EXD3: variants seen among roughly 807,000 people sequenced by gnomAD.
EXD3 encodes exonuclease 3'-5' domain containing 3, also known as exonuclease mut-7 homolog.
In EXD3, 92 loss-of-function variants were observed where a neutral mutation model predicts 98.0. The observed-to-expected ratio is 0.94, with a 90% CI of 0.79 to 1.12. EXD3 has a LOEUF of 1.12. EXD3 is among the 50% of genes most tolerant of loss of function. EXD3 has a pLI of 0.00. For synonymous variants in EXD3, 569 were observed against 526.0 expected (o/e 1.08, Z -1.12); for missense variants, 1,222 against 1,191.6 (o/e 1.03, Z -0.38).
chr9:137,323,986 G>A, intron 18 of EXD3, 104 bp downstream of exon 18: 1 of 1,529,572 alleles, frequency 6.5e-7, no homozygotes, highest in Non-Finnish European at 8.8e-7. Flanking sequence ...AGGCGCTGGG[G>A]GTCGGCCCCA....
rs567366303 is a variant in EXD3 at position 137,310,589 on chromosome 9, A to G, written c.2185-889T>C. Among the ~76,000 whole-genome samples the G allele has an allele frequency of 2.5e-4, 38 of 152,258 alleles. 1 individual carries two copies. In the South Asian group the frequency reaches 7.7e-3, roughly 31 times the overall value. On this transcript the variant is annotated intron_variant, in intron 19 of 21. Transcript: ENST00000340951. The stretch of plus-strand genomic sequence containing the variant: ...TTACTGCGATGCTGGGGGTGGGGGC[A>G]GGGAGGCCGGGAGGCTAGGACCAGC...
At chr9:137,375,003 T>A in intron 3 of EXD3, 2 of 330,172 alleles carry the variant, frequency 6.1e-6, no homozygotes, top group Non-Finnish European at 8.6e-6. Context: ...TTGTGAGTTC[T>A]AACCCTAGTT....
intron 7 of EXD3, among the ~76,000 whole-genome samples, chr9:137,358,561 C>T (rs974463999): frequency 7.2e-5 from 11 of 152,300 alleles, no homozygotes; most frequent in Admixed American, 1.3e-4. Context: ...ATCTGTCTTC[C>T]GGGTTCCAGC....
chr9:137,340,878 G>A, intron 17 of EXD3, among the ~76,000 whole-genome samples: 1 of 152,178 alleles, frequency 6.6e-6, no homozygotes, highest in East Asian at 1.9e-4. Flanking sequence ...GCAGTTCCAA[G>A]CAACACTGAA....
At chr9:137,355,563 G>T (rs1834654888) in intron 8 of EXD3, among the ~76,000 whole-genome samples, 4 of 4,064 alleles carry the variant, frequency 9.8e-4, no homozygotes, top group Admixed American at 2.6e-3. Flanking sequence ...GAAGGAGGAA[G>T]GGAGGATGGA....
chr9:137,419,965 C>A (rs780443726), intron 1 of EXD3, among the ~76,000 whole-genome samples: 30 of 152,098 alleles, frequency 2.0e-4, no homozygotes, highest in Non-Finnish European at 4.1e-4. Flanking sequence ...CGAGACCATC[C>A]TGGCTAATAC....
At chr9:137,345,198 C>T (rs2119197412) in intron 17 of EXD3, among the ~76,000 whole-genome samples, 1 of 152,406 alleles carries the variant, frequency 6.6e-6, no homozygotes, top group South Asian at 2.1e-4. Context: ...CTCCTCACAT[C>T]CTCTGGGCTC....
chr9:137,404,448 T>C (rs1365251087), intron 1 of EXD3, among the ~76,000 whole-genome samples: 1 of 152,266 alleles, frequency 6.6e-6, no homozygotes, highest in Non-Finnish European at 1.5e-5. Flanking sequence ...CTCCTCACTC[T>C]ACCACTCTCC....
Position 137,382,020 on chromosome 9 carries a change from G to GGGAGGAGGTGAGGGCGCGC in EXD3, c.120+1292_120+1293insGCGCGCCCTCACCTCCTCC, listed in dbSNP as rs753184238. On this transcript the variant is annotated intron_variant, in intron 3 of 21. Coordinates refer to ENST00000340951, the MANE Select transcript of EXD3 (RefSeq NM_017820.5). ...GACGCGGGGAGGAGGTGAGGACGCG[G>GGGAGGAGGTGAGGGCGCGC]GGAGGAGGTGAGGGCGCGGGGAGGA... Among the ~76,000 whole-genome samples the GGGAGGAGGTGAGGGCGCGC allele has an allele frequency of 1.3e-4, 17 of 128,618 alleles. 1 individual carries two copies. The highest frequency in any genetic ancestry group is 5.5e-4 in the African/African-American group (17 of 30,780). The allele number at this position is 128,618 out of a possible 152,430, so 84.4% of individuals were successfully genotyped here.
At chr9:137,326,905 T>C (rs2119114006) in intron 17 of EXD3, among the ~76,000 whole-genome samples, 1 of 151,958 alleles carries the variant, frequency 6.6e-6, no homozygotes, top group African/African-American at 2.4e-5. Context: ...ACATCAGTGT[T>C]CGTAGCAGCC....
chr9:137,372,851 C>G, intron 5 of EXD3, 54 bp downstream of exon 5: 1 of 1,572,884 alleles, frequency 6.4e-7, no homozygotes, highest in Non-Finnish European at 8.6e-7. Context: ...CGCGTCCTTG[C>G]CCCACCGCCC....
chr9:137,373,066 G>T lies in EXD3; in HGVS notation c.301C>A (p.Leu101Met). 6.4e-7 allele frequency: 1 copy of T among 1,574,742 alleles called. No individual in the cohort carries two copies. The highest frequency in any genetic ancestry group is 8.6e-7 in the Non-Finnish European group (1 of 1,163,554). The change falls in exon 5 of 22, where the codon CTG (leucine) becomes ATG (methionine). Residue 101 changes from leucine to methionine, a missense_variant. Transcript: ENST00000340951. ...QPCPSLAQHS[L>M]RLKQLQARAV... ...CGGGCCTGCAGCTGCTTCAGCCTCA[G>T]GCTGTGCTGGAAGAGCAGGGACCCA... is the stretch of plus-strand genomic sequence containing the variant.
chr9:137,317,941 C>T (rs755425104), intron 19 of EXD3, among the ~76,000 whole-genome samples: 14 of 152,044 alleles, frequency 9.2e-5, no homozygotes, highest in Admixed American at 3.3e-4. Flanking sequence ...GGGTGCCAAG[C>T]GTGGGAATGG....
intron 2 of EXD3, among the ~76,000 whole-genome samples, chr9:137,390,148 T>A (rs796900262): frequency 0.021 from 785 of 37,894 alleles, no homozygotes; most frequent in African/African-American, 0.041. Context: ...AAAAAAAAAA[T>A]GGCCGGGCGC....
chr9:137,319,665 C>T (rs1831921424), intron 19 of EXD3, among the ~76,000 whole-genome samples: 1 of 152,204 alleles, frequency 6.6e-6, no homozygotes, highest in South Asian at 2.1e-4. Context: ...GGCGGGTGCG[C>T]ACATGGGACC....
intron 19 of EXD3, among the ~76,000 whole-genome samples, chr9:137,313,792 C>T (rs940343650): frequency 2.6e-5 from 4 of 152,298 alleles, no homozygotes; most frequent in Admixed American, 6.5e-5. Context: ...TCTGGAGCAA[C>T]AGGACATTTC....
intron 8 of EXD3, 64 bp downstream of exon 8, chr9:137,356,204 G>GTCCCTGGCCACGCTTGGCGGCTC: frequency 8.0e-7 from 1 of 1,248,596 alleles, no homozygotes; most frequent in Non-Finnish European, 1.1e-6. Flanking sequence ...CACAGAGGAT[G>GTCCCTGGCCACGCTTGGCGGCTC]TCCCTGGCCA....
Position 137,392,702 on chromosome 9 carries a change from T to G in EXD3, c.55+2601A>C, listed in dbSNP as rs530110326. Reference sequence around the variant, plus strand: ...GTTCCAGGGGGTGCTGTGTCTGTTCTGGGGGGGCTGTGTCTGTTCCAGGAG... The same window carrying G: ...GTTCCAGGGGGTGCTGTGTCTGTTCGGGGGGGGCTGTGTCTGTTCCAGGAG... On this transcript the variant is annotated intron_variant, in intron 2 of 21. Transcript: ENST00000340951. 1,162 of 306,344 alleles carry G rather than the reference T, an allele frequency of 3.8e-3. 16 individuals carry two copies. The highest frequency in any genetic ancestry group is 0.03 in the African/African-American group (1,054 of 35,436). The allele number at this position is 306,344 out of a possible 1,614,324, so 19.0% of individuals were successfully genotyped here.
rs1371566092 is a variant in EXD3 at position 137,395,119 on chromosome 9, CA to C, written c.55+183del. Among the ~76,000 whole-genome samples the C allele has an allele frequency of 6.6e-6, 1 of 152,128 alleles. No homozygotes were observed. Among genetic ancestry groups the C allele is most frequent in the Non-Finnish European group, 1.5e-5 (1 of 67,998 alleles). On this transcript the variant is annotated intron_variant, in intron 2 of 21. Transcript: ENST00000340951. This position sits in a 1 kb window ranked among gnomAD's most constrained non-coding sequence, Gnocchi z 6.5. The stretch of plus-strand genomic sequence containing the variant: ...TCCTGACCCCCGAGGACAACAAGGC[CA>C]CAGTGGGGCCTCCGGACTCACAAGG...
Sources: gnomAD v4.1 joint callset for allele counts (sites outside exome capture counted in the v4.1 genomes callset) on GRCh38, gnomAD v4.1.1 for gene constraint, Gnocchi (gnomAD v3.1) non-coding constraint, MANE v1.5 for transcripts, NCBI Gene and HGNC (gene_info 2026-07-23, HGNC 2026-07-21) for gene names.